SYNE1: variants seen among roughly 807,000 people sequenced by gnomAD.
SYNE1 encodes spectrin repeat containing nuclear envelope protein 1, also known as nesprin-1.
In SYNE1, 616 loss-of-function variants were observed where a neutral mutation model predicts 1,111.0. The observed-to-expected ratio is 0.55, with a 90% CI of 0.52 to 0.59. The LOEUF (loss-of-function observed/expected upper bound fraction) is 0.59, where lower values mean the gene tolerates loss of function less well. SYNE1 is among the 20% of genes least tolerant of loss of function. The pLI is 0.00. For missense variants in SYNE1, 10,006 were observed against 10,417.0 expected, an observed-to-expected ratio of 0.96 and a Z score of 1.72; for synonymous variants, 3,855 against 3,825.8, an observed-to-expected ratio of 1.01 and a Z score of -0.28.
At chr6:152,130,672 A>C (rs2152686224) in intron 145 of SYNE1, 48 bp downstream of exon 145, 1 of 1,604,210 alleles carries the variant, frequency 6.2e-7, no homozygotes, top group African/African-American at 1.3e-5. Flanking sequence ...AATTTTCATC[A>C]TCCTCTTGGG....
At position 152,231,293 on chromosome 6, in the gene SYNE1, G is replaced by A. The variant is rs113061334; in HGVS notation, c.21039+98C>T. 3.7e-6 allele frequency: 5 copies of A among 1,342,082 alleles called. No individual in the cohort carries two copies. The African/African-American group carries it at 4.3e-5, about 12-fold the overall frequency. 83.1% of individuals were successfully genotyped at this position (1,342,082 alleles called of 1,614,324 possible). A position where few individuals can be genotyped will look rare whatever the true frequency, so the allele number is the denominator to read the frequency against. Reference sequence around the variant, plus strand: ...TATTATTGGAAGCGTTCTTTGCCCAGTATAGCCACGCTACTTGTGAACCCA... The same window carrying A: ...TATTATTGGAAGCGTTCTTTGCCCAATATAGCCACGCTACTTGTGAACCCA... On this transcript the variant is annotated intron_variant, in intron 114 of 145. Coordinates refer to ENST00000367255, the MANE Select transcript of SYNE1 (RefSeq NM_182961.4).
At chr6:152,191,140 G>T (rs183670503) in intron 127 of SYNE1, among the ~76,000 whole-genome samples, 205 of 152,078 alleles carry the variant, frequency 1.3e-3, no homozygotes, top group Non-Finnish European at 2.5e-3. Context: ...CATGATGAAT[G>T]ATCTTTTTAA....
intron 3 of SYNE1, among the ~76,000 whole-genome samples, chr6:152,627,110 T>G (rs981685709): frequency 3.3e-5 from 5 of 152,162 alleles, no homozygotes; most frequent in Admixed American, 2.6e-4. Context: ...ATTGGGGTAT[T>G]TTTATACCTT....
chr6:152,409,513 G>T, intron 43 of SYNE1, 46 bp downstream of exon 43: 2 of 1,607,152 alleles, frequency 1.2e-6, no homozygotes, highest in Non-Finnish European at 1.7e-6. Flanking sequence ...GTAAAAACCA[G>T]ATCTACTAAA....
intron 36 of SYNE1, 49 bp from the exon 37 acceptor site, chr6:152,428,441 G>A (rs2098393574): frequency 8.1e-6 from 13 of 1,601,654 alleles, no homozygotes; most frequent in Non-Finnish European, 1.1e-5. Context: ...AGCCAACGAG[G>A]CCTGCATTTT....
chr6:152,624,269 G>T (rs2099681667), intron 3 of SYNE1, among the ~76,000 whole-genome samples: 1 of 152,006 alleles, frequency 6.6e-6, no homozygotes, highest in Non-Finnish European at 1.5e-5. Flanking sequence ...AGATTGCGTT[G>T]ATGTCACCCC....
chr6:152,213,867 A>C, intron 122 of SYNE1, 108 bp from the exon 123 acceptor site: 1 of 1,484,288 alleles, frequency 6.7e-7, no homozygotes, highest in South Asian at 1.2e-5. Context: ...TAATTGAACC[A>C]CCACAAAGCT....
intron 3 of SYNE1, among the ~76,000 whole-genome samples, chr6:152,613,945 G>A (rs2099639034): frequency 6.6e-6 from 1 of 152,184 alleles, no homozygotes; most frequent in Admixed American, 6.5e-5. Context: ...ATAGAAAGCT[G>A]AAACTGGATC....
intron 93 of SYNE1, among the ~76,000 whole-genome samples, chr6:152,295,033 T>C (rs1442168798): frequency 6.6e-6 from 1 of 152,198 alleles, no homozygotes. Flanking sequence ...GTAAAAAGTA[T>C]TGAAGAAGGC....
At chr6:152,317,812 A>T (rs1311123609) in intron 86 of SYNE1, among the ~76,000 whole-genome samples, 1 of 152,150 alleles carries the variant, frequency 6.6e-6, no homozygotes, top group East Asian at 1.9e-4. Context: ...TCTACAAAAT[A>T]CTTCTCCATT....
At chr6:152,573,321 A>T (rs1176995812) in intron 3 of SYNE1, among the ~76,000 whole-genome samples, 1 of 95,482 alleles carries the variant, frequency 1.0e-5, no homozygotes, top group East Asian at 3.6e-4. Context: ...TCCTAATGCT[A>T]TCCCCCCCCC....
intron 91 of SYNE1, among the ~76,000 whole-genome samples, chr6:152,305,799 C>T (rs1190328653): frequency 1.3e-5 from 2 of 152,174 alleles, no homozygotes; most frequent in Non-Finnish European, 2.9e-5. Context: ...TCACACAGGA[C>T]TGCATCATTT....
rs1157350220 is a variant in SYNE1 at position 152,121,751 on chromosome 6, T to C, written c.*685A>G. The stretch of plus-strand genomic sequence containing the variant: ...CAAACAAAACTTGGCTTTAGCAAAC[T>C]GTACATACATAAATATCTTTTTTTT... On this transcript the variant is annotated 3_prime_UTR_variant, in exon 146 of 146. Coordinates refer to ENST00000367255, the MANE Select transcript of SYNE1 (RefSeq NM_182961.4). The C allele has an allele frequency of 1.4e-5, 2 of 143,986 alleles. No individual in the cohort carries two copies. The highest frequency in any genetic ancestry group is 3.0e-5 in the Non-Finnish European group (2 of 66,258). The allele number at this position is 143,986 out of a possible 1,614,324, so 8.9% of individuals were successfully genotyped here. A position where few individuals can be genotyped will look rare whatever the true frequency, so the allele number is the denominator to read the frequency against.
At chr6:152,509,306 A>T (rs1399882327) in intron 8 of SYNE1, among the ~76,000 whole-genome samples, 2 of 145,634 alleles carry the variant, frequency 1.4e-5, no homozygotes, top group Middle Eastern at 3.3e-3. Flanking sequence ...ACTGGAGTGC[A>T]ATGGCACAAT....
chr6:152,291,041 C>T (rs538660446), intron 95 of SYNE1, among the ~76,000 whole-genome samples: 1 of 147,572 alleles, frequency 6.8e-6, no homozygotes, highest in African/African-American at 2.5e-5. Flanking sequence ...CTCATTAGAA[C>T]ATTAATATGT....
At chr6:152,252,207 G>T (rs1361404799) in intron 104 of SYNE1, among the ~76,000 whole-genome samples, 3 of 152,066 alleles carry the variant, frequency 2.0e-5, no homozygotes, top group African/African-American at 7.2e-5. Flanking sequence ...GGGAGGCAGA[G>T]GTTGCAGTGA....
chr6:152,125,466 G>A (rs2053071325), intron 145 of SYNE1: 4 of 1,321,812 alleles, frequency 3.0e-6, no homozygotes, highest in Non-Finnish European at 4.0e-6. Flanking sequence ...AGTCTCTCTG[G>A]CCTTCAGTTT....
intron 78 of SYNE1, among the ~76,000 whole-genome samples, chr6:152,327,993 A>G (rs2096125905): frequency 6.6e-6 from 1 of 152,228 alleles, no homozygotes; most frequent in African/African-American, 2.4e-5. Flanking sequence ...ATCCAATATT[A>G]AAATTTTTAC....
chr6:152,318,178 T>A lies in SYNE1; in HGVS notation c.16475A>T (p.Gln5492Leu), dbSNP rs758577891. The A allele has an allele frequency of 6.2e-7, 1 of 1,614,192 alleles. No homozygotes were observed. The highest frequency in any genetic ancestry group is 1.7e-5 in the Admixed American group (1 of 60,022). ...AVQKFLEQNG[Q>L]LGKPLAKKIG... ...CTTCTTGGCCAGTGGCTTACCCAGT[T>A]GGCCATTCTGTTCCAAGAATTTCTG... The change falls in exon 86 of 146, where the codon CAA becomes CTA. Residue 5492 changes from glutamine to leucine, a missense_variant. By Grantham distance (113) the Gln-to-Leu change is moderately radical. Around this residue, in one of 7 missense-constraint regions of SYNE1, gnomAD observed 4,955 missense variants for 5,017.2 expected, o/e 0.99. Transcript: ENST00000367255.
Sources: gnomAD v4.1 joint callset for allele counts (sites outside exome capture counted in the v4.1 genomes callset) on GRCh38, gnomAD v4.1.1 for gene constraint, gnomAD v4.1.1 regional missense constraint, MANE v1.5 for transcripts, NCBI Gene and HGNC (gene_info 2026-07-23, HGNC 2026-07-21) for gene names.